Variants in NRXN3 observed in about 807,000 individuals in gnomAD.
The protein encoded by NRXN3 is neurexin 3, also known as neurexin III.
NRXN3 carries 32 observed loss-of-function variants against 137.6 expected under a neutral mutation model. The observed-to-expected ratio is 0.23, with a 90% CI of 0.18 to 0.31. The LOEUF is 0.31. Among genes scored for constraint, NRXN3 ranks in the 10% least tolerant of loss-of-function variants. The pLI, the probability that NRXN3 is intolerant of heterozygous loss-of-function variation, is 1.00. For missense variants in NRXN3, 1,574 were observed against 2,062.5 expected (o/e 0.76, Z 4.59); for synonymous variants, 798 against 784.5 (o/e 1.02, Z -0.29).
intron 8 of NRXN3, among the ~76,000 whole-genome samples, chr14:78,794,693 A>G (rs1567331465): frequency 6.6e-6 from 1 of 151,908 alleles, no homozygotes; most frequent in Non-Finnish European, 1.5e-5. Context: ...ACTGTTAATG[A>G]TGGCATGATT....
At position 78,970,616 on chromosome 14, in the gene NRXN3, A is replaced by G. The variant is rs78320904; in HGVS notation, c.3142+2270A>G. On this transcript the variant is annotated intron_variant, in intron 14 of 20. Coordinates refer to ENST00000335750, the MANE Select transcript of NRXN3 (RefSeq NM_001330195.2). ...CTAAGCTTTATAAAAGGGTACTAAA[A>G]TGTATAATATAAAGGGAGAATGACC... 4.0e-3 allele frequency among the ~76,000 whole-genome samples: 604 copies of G among 152,336 alleles called. 2 individuals are homozygous for G. The highest frequency in any genetic ancestry group is 6.2e-3 in the Non-Finnish European group (419 of 68,032).
At chr14:79,561,831 G>A (rs1057076210) in intron 16 of NRXN3, among the ~76,000 whole-genome samples, 3 of 152,154 alleles carry the variant, frequency 2.0e-5, no homozygotes, top group African/African-American at 7.2e-5. Flanking sequence ...TCCAGGTTAA[G>A]GAGCTTCGAA....
intron 15 of NRXN3, among the ~76,000 whole-genome samples, chr14:79,167,915 CT>C (rs1489578736): frequency 6.8e-6 from 1 of 147,384 alleles, no homozygotes; most frequent in African/African-American, 2.5e-5. Context: ...CCTGCCTTTT[CT>C]TTTCTTTCTT....
At chr14:78,720,866 G>A (rs540579136) in intron 8 of NRXN3, among the ~76,000 whole-genome samples, 5 of 152,178 alleles carry the variant, frequency 3.3e-5, no homozygotes, top group Non-Finnish European at 7.3e-5. Flanking sequence ...ATGAAGCTAT[G>A]ATGCTTCTTT....
intron 10 of NRXN3, among the ~76,000 whole-genome samples, chr14:78,821,792 C>G (rs1427864148): frequency 3.9e-5 from 6 of 152,088 alleles, no homozygotes; most frequent in Admixed American, 2.6e-4. Flanking sequence ...AAATTAAACT[C>G]AGATTGCCCA....
intron 10 of NRXN3, among the ~76,000 whole-genome samples, chr14:78,885,556 A>G (rs1035200319): frequency 6.6e-6 from 1 of 152,122 alleles, no homozygotes; most frequent in Non-Finnish European, 1.5e-5. Flanking sequence ...CTGTAGTTGC[A>G]GTAACAGTCT....
chr14:78,508,219 C>T (rs146947874), intron 4 of NRXN3, among the ~76,000 whole-genome samples: 20 of 152,246 alleles, frequency 1.3e-4, no homozygotes, highest in African/African-American at 2.9e-4. Context: ...ACACTAATAC[C>T]GGTATTTACC....
chr14:78,956,636 C>T (rs74674896), intron 10 of NRXN3, among the ~76,000 whole-genome samples: 3,943 of 152,186 alleles, frequency 0.026, 167 homozygotes, highest in African/African-American at 0.087. Context: ...CCTCACATTC[C>T]CTTCAGGAGC....
chr14:79,277,267 G>A (rs2080433495), intron 15 of NRXN3, among the ~76,000 whole-genome samples: 1 of 152,114 alleles, frequency 6.6e-6, no homozygotes, highest in Non-Finnish European at 1.5e-5. Context: ...AGAAAGACCT[G>A]GGGAACTAGA....
At chr14:79,573,982 A>C (rs879892256) in intron 16 of NRXN3, among the ~76,000 whole-genome samples, 1 of 152,244 alleles carries the variant, frequency 6.6e-6, no homozygotes, top group Admixed American at 6.5e-5. Context: ...TGGGCAACCC[A>C]AAAAGATATT....
At chr14:78,926,796 T>C (rs1312523421) in intron 10 of NRXN3, among the ~76,000 whole-genome samples, 1 of 54,594 alleles carries the variant, frequency 1.8e-5, no homozygotes, top group Non-Finnish European at 3.1e-5. Context: ...ATATTATATA[T>C]TATATATTTA....
At chr14:78,548,834 T>C (rs2152166245) in intron 4 of NRXN3, among the ~76,000 whole-genome samples, 2 of 152,302 alleles carry the variant, frequency 1.3e-5, no homozygotes, top group South Asian at 4.1e-4. Flanking sequence ...ACCAGGTCCC[T>C]TCTCCCAAAC....
chr14:79,002,065 A>G (rs1332653867), intron 15 of NRXN3, among the ~76,000 whole-genome samples: 6 of 152,158 alleles, frequency 3.9e-5, no homozygotes, highest in Admixed American at 3.3e-4. Context: ...TGTGCTTACT[A>G]TAGTTTCCTC....
intron 15 of NRXN3, among the ~76,000 whole-genome samples, chr14:79,183,773 C>T (rs1215480196): frequency 1.3e-5 from 2 of 152,172 alleles, no homozygotes; most frequent in Non-Finnish European, 2.9e-5. Flanking sequence ...GCTTACCTGA[C>T]AAGCTCTTGC....
rs1208315090 is a variant in NRXN3 at position 78,795,495 on chromosome 14, A to G, written c.2045-8125A>G. ...TCATTGATTATTGAGATTGAAAAGC[A>G]ATCAGACAATAAGTAAACAATCAGA... On this transcript the variant is annotated intron_variant, in intron 8 of 20. Coordinates refer to ENST00000335750, the MANE Select transcript of NRXN3 (RefSeq NM_001330195.2). Among the ~76,000 whole-genome samples the G allele has an allele frequency of 2.6e-5, 4 of 152,232 alleles. No homozygotes were observed. The East Asian group carries it at 5.8e-4, about 22-fold the overall frequency.
Position 78,549,475 on chromosome 14 carries a change from T to G in NRXN3, c.758-95645T>G, listed in dbSNP as rs376998698. ...AAACTGCCACAACAACCTGTGTGAA[T>G]CTTGATCACCAAGCTTACAGTGCTG... is the stretch of plus-strand genomic sequence containing the variant. On this transcript the variant is annotated intron_variant, in intron 4 of 20. Coordinates refer to ENST00000335750, the MANE Select transcript of NRXN3 (RefSeq NM_001330195.2). Among the ~76,000 whole-genome samples the G allele has an allele frequency of 4.6e-5, 7 of 152,322 alleles. No homozygotes were observed. In the East Asian group the frequency reaches 1.4e-3, roughly 29 times the overall value.
At chr14:78,563,636 T>G (rs2096808286) in intron 4 of NRXN3, among the ~76,000 whole-genome samples, 1 of 152,364 alleles carries the variant, frequency 6.6e-6, no homozygotes. Flanking sequence ...CCTACTGAGA[T>G]GCACTGACAG....
intron 6 of NRXN3, among the ~76,000 whole-genome samples, chr14:78,701,719 T>G (rs1029180812): frequency 1.3e-5 from 2 of 152,228 alleles, no homozygotes; most frequent in African/African-American, 4.8e-5. Context: ...TTTTTAAAAA[T>G]TAATTAACTG....
chr14:78,268,465 C>A (rs1464757479), intron 2 of NRXN3, among the ~76,000 whole-genome samples: 1 of 152,284 alleles, frequency 6.6e-6, no homozygotes, highest in East Asian at 1.9e-4. Context: ...CTCTAAAATA[C>A]TTAATGACCA....
Sources: gnomAD v4.1 joint callset for allele counts (sites outside exome capture counted in the v4.1 genomes callset) on GRCh38, gnomAD v4.1.1 for gene constraint, MANE v1.5 for transcripts, NCBI Gene and HGNC (gene_info 2026-07-23, HGNC 2026-07-21) for gene names.